Variants in INSR observed in about 807,000 individuals in gnomAD.
INSR encodes the protein insulin receptor.
Under a neutral mutation model 142.6 loss-of-function variants are expected in INSR, and 67 were observed. The ratio of observed to expected loss-of-function variants is 0.47; its 90% CI spans 0.39 to 0.58. INSR has a LOEUF of 0.58. INSR is among the 20% of genes least tolerant of loss of function. The probability of loss-of-function intolerance (pLI) is 0.00; values close to 1 mark genes in which losing one functional copy is unlikely to be tolerated. For synonymous variants in INSR, 756 were observed against 743.1 expected (o/e 1.02, Z -0.28); for missense variants, 1,248 against 1,833.2 (o/e 0.68, Z 5.83).
chr19:7,195,546 G>A (rs534683622), intron 2 of INSR, among the ~76,000 whole-genome samples: 31 of 152,192 alleles, frequency 2.0e-4, no homozygotes, highest in African/African-American at 7.0e-4. Context: ...GGGGGCTGAG[G>A]CAGGAGAATC....
In INSR at chr19:7,185,841, C is replaced by CAAAAAA. The variant is rs754262409; in HGVS notation, c.653-1210_653-1205dup. Among the ~76,000 whole-genome samples, 218 of 45,034 alleles carry CAAAAAA rather than the reference C, an allele frequency of 4.8e-3. 14 individuals are homozygous for CAAAAAA. Among genetic ancestry groups the CAAAAAA allele is most frequent in the East Asian group, 0.013 (18 of 1,386 alleles). The allele number at this position is 45,034 out of a possible 152,430, so 29.5% of individuals were successfully genotyped here. A position where few individuals can be genotyped will look rare whatever the true frequency, so the allele number is the denominator to read the frequency against. On this transcript the variant is annotated intron_variant, in intron 2 of 21. Transcript: ENST00000302850. The stretch of plus-strand genomic sequence containing the variant: ...CTGGGCAACAAGTGCAAAATTCTGT[C>CAAAAAA]AAAAAAAAAAAAAAAAAAGAGAGAG...
chr19:7,230,810 AT>A (rs68015110), intron 2 of INSR, among the ~76,000 whole-genome samples: 80,925 of 132,774 alleles, frequency 0.61, 25,538 homozygotes, highest in South Asian at 0.74. Context: ...CATCTCAAAA[AT>A]AAAAAAAAAA....
intron 2 of INSR, among the ~76,000 whole-genome samples, chr19:7,215,899 TTTCTGCTTCC>T (rs774244694): frequency 9.9e-5 from 15 of 151,934 alleles, no homozygotes; most frequent in Non-Finnish European, 1.5e-4. Flanking sequence ...ACATCCTTCA[TTTCTGCTTCC>T]TTCTGCTTCC....
intron 3 of INSR, among the ~76,000 whole-genome samples, chr19:7,175,710 C>T (rs1315034108): frequency 6.6e-6 from 1 of 152,024 alleles, no homozygotes; most frequent in African/African-American, 2.4e-5. Context: ...TGGCACGTGC[C>T]TATAATCTCA....
At chr19:7,290,804 G>T (rs1209411947) in intron 1 of INSR, among the ~76,000 whole-genome samples, 1 of 150,942 alleles carries the variant, frequency 6.6e-6, no homozygotes, top group Non-Finnish European at 1.5e-5. Context: ...AGGTACGGTG[G>T]CTCACTCCTG....
chr19:7,249,773 A>G (rs1224414146), intron 2 of INSR, among the ~76,000 whole-genome samples: 1 of 152,138 alleles, frequency 6.6e-6, no homozygotes, highest in Non-Finnish European at 1.5e-5. Context: ...AGGGTGGATC[A>G]CGAGGTCAGG....
chr19:7,169,598 A>G (rs1043831757), intron 6 of INSR, among the ~76,000 whole-genome samples: 14 of 146,134 alleles, frequency 9.6e-5, no homozygotes, highest in African/African-American at 3.4e-4. Context: ...AAAAAAAAAA[A>G]GAAGCTCTTC....
intron 2 of INSR, among the ~76,000 whole-genome samples, chr19:7,226,607 G>A (rs1975792220): frequency 1.3e-5 from 2 of 150,752 alleles, no homozygotes; most frequent in Admixed American, 1.3e-4. Context: ...GTACACCTGT[G>A]GTCCCAGCTA....
rs121913153 is a variant in INSR at position 7,267,659 on chromosome 19, C to A, written c.338G>T (p.Arg113Leu). 2 of 1,614,042 alleles carry A rather than the reference C, an allele frequency of 1.2e-6. No individual in the cohort carries two copies. The highest frequency in any genetic ancestry group is 1.7e-6 in the Non-Finnish European group (2 of 1,180,008). The change falls in exon 2 of 22, where the codon CGA becomes CTA. Residue 113 changes from arginine to leucine, a missense_variant. By Grantham distance (102) the Arg-to-Leu change is moderately radical. Coordinates refer to ENST00000302850, the MANE Select transcript of INSR (RefSeq NM_000208.4). This position sits in a 1 kb window ranked among gnomAD's most constrained non-coding sequence, Gnocchi z 6.3. ...FPNLTVIRGS[R>L]LFFNYALVIF... ...GACCAGCGCGTAGTTAAAGAACAGT[C>A]GTGATCCCCGGATGACCGTGAGGTT...
chr19:7,217,228 G>A (rs1402317428), intron 2 of INSR, among the ~76,000 whole-genome samples: 1 of 152,136 alleles, frequency 6.6e-6, no homozygotes, highest in African/African-American at 2.4e-5. Flanking sequence ...GGAGGCTCCA[G>A]AGAGAATCCA....
chr19:7,157,620 GTTC>G (rs555567544), intron 9 of INSR, among the ~76,000 whole-genome samples: 394 of 152,048 alleles, frequency 2.6e-3, no homozygotes, highest in African/African-American at 9.1e-3. Context: ...AAATCCCAGG[GTTC>G]TTGTGACCCA....
At chr19:7,255,081 T>C (rs1294355374) in intron 2 of INSR, among the ~76,000 whole-genome samples, 1 of 148,176 alleles carries the variant, frequency 6.7e-6, no homozygotes, top group Non-Finnish European at 1.5e-5. Context: ...TGTAAATTCG[T>C]TATCTTCACC....
intron 2 of INSR, among the ~76,000 whole-genome samples, chr19:7,244,071 A>C (rs995399452): frequency 2.0e-5 from 3 of 152,214 alleles, no homozygotes; most frequent in African/African-American, 7.2e-5. Context: ...AATGAATAAA[A>C]CAATTTAAAA....
In INSR at chr19:7,150,658, G is replaced by A. The variant is rs569643625; in HGVS notation, c.2232-126C>T. On this transcript the variant is annotated intron_variant, in intron 10 of 21. Transcript: ENST00000302850. The surrounding 1 kb of genome is among the most constrained non-coding windows in gnomAD (Gnocchi z 4.2). ...CCCTGGCTTTGACCCTGGACCACTC[G>A]CTCCCATCACTTGCTAGACGGAGTG... The A allele has an allele frequency of 3.0e-5, 25 of 824,970 alleles. No individual in the cohort carries two copies. The East Asian group carries it at 3.2e-4, about 11-fold the overall frequency. 51.1% of individuals were successfully genotyped at this position (824,970 alleles called of 1,614,324 possible). A position where few individuals can be genotyped will look rare whatever the true frequency, so the allele number is the denominator to read the frequency against.
chr19:7,184,171 G>T, intron 3 of INSR, 145 bp downstream of exon 3: 1 of 716,844 alleles, frequency 1.4e-6, no homozygotes, highest in Non-Finnish European at 2.4e-6. Flanking sequence ...AAAACAGGGT[G>T]CAAAAGTAGC....
intron 1 of INSR, among the ~76,000 whole-genome samples, chr19:7,289,697 C>T (rs10411100): frequency 0.033 from 4,966 of 152,186 alleles, 292 homozygotes; most frequent in African/African-American, 0.11. Flanking sequence ...TGAGCCACTG[C>T]ACCCGGCCGA....
chr19:7,182,112 A>C (rs147510265), intron 3 of INSR, among the ~76,000 whole-genome samples: 1,806 of 151,792 alleles, frequency 0.012, 50 homozygotes, highest in African/African-American at 0.041. Flanking sequence ...TGGGTGGATC[A>C]CTTGAGGTCA....
intron 14 of INSR, among the ~76,000 whole-genome samples, 179 bp downstream of exon 14, chr19:7,131,978 TC>T (rs1221408706): frequency 7.0e-6 from 1 of 142,596 alleles, no homozygotes; most frequent in Non-Finnish European, 1.5e-5. Flanking sequence ...AAAGCAAGCC[TC>T]CATCTCAAAA....
rs1056162187 is a variant in INSR, at chr19:7,294,321, G to A, written c.-430C>T. Among the ~76,000 whole-genome samples, 4 of 151,200 alleles carry A rather than the reference G, an allele frequency of 2.6e-5. No homozygotes were observed. The highest frequency in any genetic ancestry group is 7.3e-5 in the African/African-American group (3 of 41,248). ...GGGCACCTGGGCTGGCGGGTGGCGG[G>A]CGGGCGGCGGGAGAGAGGGCTGCTC... On this transcript the variant is annotated 5_prime_UTR_variant, in exon 1 of 22. Coordinates refer to ENST00000302850, the MANE Select transcript of INSR (RefSeq NM_000208.4).
Sources: allele counts gnomAD v4.1 joint callset (sites outside exome capture counted in the v4.1 genomes callset), GRCh38; gene constraint gnomAD v4.1.1; non-coding constraint Gnocchi (gnomAD v3.1); transcripts MANE v1.5; gene names NCBI Gene and HGNC (gene_info 2026-07-23, HGNC 2026-07-21).